The following ZNF536 variants were observed in gnomAD, a reference collection of about 807,000 sequenced individuals.
ZNF536 encodes the protein zinc finger protein 536.
A neutral mutation model predicts 84.5 loss-of-function variants in ZNF536; 13 were observed. The ratio of observed to expected loss-of-function variants is 0.15; its 90% CI spans 0.10 to 0.24. ZNF536 has a LOEUF of 0.24. ZNF536 is among the 10% of genes least tolerant of loss of function. The probability of loss-of-function intolerance (pLI) is 1.00; values close to 1 mark genes in which losing one functional copy is unlikely to be tolerated. For missense variants in ZNF536, 1,536 were observed against 1,747.5 expected (o/e 0.88, Z 2.16); for synonymous variants, 811 against 742.5 (o/e 1.09, Z -1.50).
At chr19:30,642,433 G>A (rs993360689) in intron 1 of ZNF536, among the ~76,000 whole-genome samples, 3 of 152,126 alleles carry the variant, frequency 2.0e-5, no homozygotes, top group African/African-American at 7.2e-5. Context: ...GATGGCATTT[G>A]CCTTCCAGGT....
intron 3 of ZNF536, among the ~76,000 whole-genome samples, chr19:30,362,989 G>A (rs2048321395): frequency 6.6e-6 from 1 of 152,090 alleles, no homozygotes; most frequent in Non-Finnish European, 1.5e-5. Context: ...AACCCGGGAG[G>A]CAGAGGTTCC....
intron 1 of ZNF536, among the ~76,000 whole-genome samples, chr19:30,407,197 C>T (rs1471814610): frequency 6.6e-6 from 1 of 152,108 alleles, no homozygotes; most frequent in Non-Finnish European, 1.5e-5. Context: ...CCTTATGATC[C>T]CCAGAAGGCT....
intron 1 of ZNF536, among the ~76,000 whole-genome samples, chr19:30,610,376 G>A (rs2048062777): frequency 6.6e-6 from 1 of 152,130 alleles, no homozygotes; most frequent in Non-Finnish European, 1.5e-5. Context: ...TGGCAGGCTG[G>A]GCTGGCACAT....
At chr19:30,589,474 T>C (rs186400853) in intron 1 of ZNF536, among the ~76,000 whole-genome samples, 1 of 152,310 alleles carries the variant, frequency 6.6e-6, no homozygotes, top group East Asian at 1.9e-4. Context: ...CACAACCATG[T>C]TTTTCTTGAA....
exon 2 of ZNF536, chr19:30,712,793 G>C (rs1000409300): frequency 6.6e-6 from 1 of 152,068 alleles, no homozygotes; most frequent in Non-Finnish European, 1.5e-5. Flanking sequence ...CCTAGAGAAA[G>C]GACTGAAATG....
intron 1 of ZNF536, among the ~76,000 whole-genome samples, chr19:30,239,115 C>T (rs1284738128): frequency 6.6e-6 from 1 of 152,120 alleles, no homozygotes; most frequent in Non-Finnish European, 1.5e-5. Flanking sequence ...AAGAAAAATG[C>T]CAGTCTCTTT....
rs2052218571 is a variant in ZNF536 at position 30,444,457 on chromosome 19, C to T, written c.895C>T (p.Pro299Ser). The T allele has an allele frequency of 1.2e-6, 2 of 1,610,266 alleles. No individual in the cohort carries two copies. The change falls in exon 2 of 5, where the codon CCC becomes TCC. Residue 299 changes from proline (P) to serine (S), a missense_variant. This residue lies in a region of ZNF536 where 61 missense variants were observed against 104.0 expected (regional missense o/e 0.59). Coordinates refer to ENST00000355537, the MANE Select transcript of ZNF536 (RefSeq NM_014717.3). ...LDRHIRILHK[P>S]YKCTLCDFAA... Reference sequence around the variant, plus strand: ...CCGCCACATCCGCATCTTGCACAAGCCCTACAAGTGCACGTTGTGCGACTT... The same window carrying T: ...CCGCCACATCCGCATCTTGCACAAGTCCTACAAGTGCACGTTGTGCGACTT...
chr19:30,501,196 A>G (rs2054936750), intron 2 of ZNF536, among the ~76,000 whole-genome samples: 1 of 152,192 alleles, frequency 6.6e-6, no homozygotes, highest in Non-Finnish European at 1.5e-5. Flanking sequence ...TAAAAGCTCA[A>G]TATCATCATG....
chr19:30,508,750 G>T (rs1426367316), intron 2 of ZNF536, among the ~76,000 whole-genome samples: 1 of 151,272 alleles, frequency 6.6e-6, no homozygotes, highest in African/African-American at 2.4e-5. Context: ...AACAACCATG[G>T]TGCCCTTCCT....
intron 1 of ZNF536, among the ~76,000 whole-genome samples, chr19:30,430,515 C>T (rs912532832): frequency 1.3e-5 from 2 of 152,108 alleles, no homozygotes; most frequent in Admixed American, 6.5e-5. Flanking sequence ...TGGAGATAGA[C>T]GGAAGGGCTC....
At chr19:30,320,098 C>G (rs2046806463) in intron 2 of ZNF536, among the ~76,000 whole-genome samples, 1 of 152,220 alleles carries the variant, frequency 6.6e-6, no homozygotes, top group Non-Finnish European at 1.5e-5. Flanking sequence ...GTTCTGACAT[C>G]TGTTCCTCTC....
At chr19:30,225,755 G>T (rs868778884), upstream of ZNF536, among the ~76,000 whole-genome samples, 1,470 of 143,874 alleles carry the variant, frequency 0.01, 37 homozygotes, top group African/African-American at 0.036. Flanking sequence ...GCGGGTGGGG[G>T]GGCAGCTTCG....
chr19:30,246,157 T>C (rs1417379596), intron 1 of ZNF536, among the ~76,000 whole-genome samples: 1 of 152,138 alleles, frequency 6.6e-6, no homozygotes, highest in African/African-American at 2.4e-5. Flanking sequence ...CAGAGGATGA[T>C]TGCAGAAGGG....
chr19:30,666,671 G>C (rs1243947570), intron 1 of ZNF536, among the ~76,000 whole-genome samples: 1 of 151,848 alleles, frequency 6.6e-6, no homozygotes, highest in African/African-American at 2.4e-5. Flanking sequence ...AAACCTCGCG[G>C]ATCTAGTTTC....
chr19:30,420,644 A>C (rs911937479), intron 1 of ZNF536, among the ~76,000 whole-genome samples: 5 of 152,224 alleles, frequency 3.3e-5, no homozygotes, highest in African/African-American at 1.2e-4. Flanking sequence ...ATCTTTTTAC[A>C]AAAGAAAATC....
chr19:30,312,599 A>G (rs763149836), intron 2 of ZNF536, among the ~76,000 whole-genome samples: 6 of 152,172 alleles, frequency 3.9e-5, no homozygotes, highest in Non-Finnish European at 7.3e-5. Context: ...TTTACAAAGT[A>G]TTTTCTGTCT....
At chr19:30,613,629 T>C (rs1455162820) in intron 1 of ZNF536, among the ~76,000 whole-genome samples, 4 of 152,194 alleles carry the variant, frequency 2.6e-5, no homozygotes, top group African/African-American at 9.7e-5. Context: ...TCAGGAAGTG[T>C]TTTTTGTTTT....
intron 2 of ZNF536, among the ~76,000 whole-genome samples, chr19:30,338,886 A>G (rs544639083): frequency 1.4e-4 from 21 of 152,262 alleles, no homozygotes; most frequent in African/African-American, 4.6e-4. Context: ...CAGTTTCCCT[A>G]TGGATGAAGT....
intron 2 of ZNF536, among the ~76,000 whole-genome samples, chr19:30,346,179 G>A (rs939335738): frequency 1.3e-5 from 2 of 152,212 alleles, no homozygotes; most frequent in African/African-American, 4.8e-5. Context: ...CAGGAGAAGG[G>A]AAGGGCTCAG....
Sources: allele counts gnomAD v4.1 joint callset (sites outside exome capture counted in the v4.1 genomes callset), GRCh38; gene constraint gnomAD v4.1.1; regional missense constraint gnomAD v4.1.1; transcripts MANE v1.5; gene names NCBI Gene and HGNC (gene_info 2026-07-23, HGNC 2026-07-21).